The following ZNF438 variants were observed in gnomAD, a reference collection of about 807,000 sequenced individuals.
ZNF438 encodes zinc finger protein 438.
A neutral mutation model predicts 38.0 loss-of-function variants in ZNF438; 25 were observed. The ratio of observed to expected loss-of-function variants is 0.66; its 90% CI spans 0.48 to 0.92. The LOEUF is 0.92. Ranked by LOEUF, ZNF438 falls within the 40% of genes least tolerant of loss-of-function variation. ZNF438 has a pLI of 0.00. For synonymous variants in ZNF438, 372 were observed against 364.1 expected, an observed-to-expected ratio of 1.02 and a Z score of -0.25; for missense variants, 1,007 against 999.6, an observed-to-expected ratio of 1.01 and a Z score of -0.10.
chr10:30,853,921 G>A (rs1460309961), intron 4 of ZNF438, among the ~76,000 whole-genome samples: 1 of 152,120 alleles, frequency 6.6e-6, no homozygotes, highest in African/African-American at 2.4e-5. Context: ...CTTAAACCTG[G>A]GAGGTGGAGG....
rs764029812 is a variant in ZNF438, at chr10:30,848,705, A to G, written c.1700T>C (p.Met567Thr). 1.7e-5 allele frequency: 27 copies of G among 1,614,220 alleles called. No individual in the cohort carries two copies. In the South Asian group the frequency reaches 2.1e-4, roughly 12 times the overall value. ...CACTTTTGCACAAAACTCACAACAC[A>G]TGAGTTTCTTCAGACGGTTCTCACC... The change falls in exon 5 of 6, where the codon ATG (methionine) becomes ACG (threonine). Residue 567 changes from methionine (M) to threonine (T), a missense_variant. Physicochemically the swap from Met to Thr is moderately conservative, Grantham distance 81. Transcript: ENST00000413025.
At chr10:30,845,666 A>C in intron 5 of ZNF438, 93 bp from the exon 7 acceptor site, 2 of 1,446,442 alleles carry the variant, frequency 1.4e-6, no homozygotes, top group South Asian at 2.7e-5. Context: ...GATCTAAAAC[A>C]TAACACTGAC....
intron 3 of ZNF438, among the ~76,000 whole-genome samples, chr10:30,902,268 G>T (rs557428918): frequency 1.9e-4 from 29 of 152,230 alleles, no homozygotes; most frequent in African/African-American, 6.5e-4. Context: ...TTTTGACAGG[G>T]TGCTGATTGG....
chr10:30,889,962 G>T (rs1416255979), intron 3 of ZNF438, among the ~76,000 whole-genome samples: 2 of 151,242 alleles, frequency 1.3e-5, no homozygotes, highest in Non-Finnish European at 2.9e-5. Flanking sequence ...GATTAAACTG[G>T]ATACTACATG....
intron 4 of ZNF438, among the ~76,000 whole-genome samples, chr10:30,861,449 G>A (rs947386257): frequency 6.6e-6 from 1 of 151,926 alleles, no homozygotes; most frequent in Non-Finnish European, 1.5e-5. Context: ...TGCTGCAAGA[G>A]GAAACAAGCA....
intron 4 of ZNF438, among the ~76,000 whole-genome samples, chr10:30,873,443 T>C (rs1473726191): frequency 6.6e-6 from 1 of 152,228 alleles, no homozygotes; most frequent in Non-Finnish European, 1.5e-5. Context: ...CCATTAATAA[T>C]GCTGCCAGCT....
rs539626463 is a variant in ZNF438 at position 30,952,025 on chromosome 10, A to C, written c.-191-10374T>G. Among the ~76,000 whole-genome samples, 7 of 149,988 alleles carry C rather than the reference A, an allele frequency of 4.7e-5. No homozygotes were observed. The East Asian group carries it at 1.4e-3, about 29-fold the overall frequency. On this transcript the variant is annotated intron_variant, in intron 1 of 5. Coordinates refer to ENST00000413025, the Ensembl canonical transcript of ZNF438. ...ATACTACAAGGCTACAGTAACCAAA[A>C]CAGCATGGTACTGGTACCAAAACAG...
At chr10:30,871,464 C>T (rs1262988158) in intron 4 of ZNF438, among the ~76,000 whole-genome samples, 1 of 152,156 alleles carries the variant, frequency 6.6e-6, no homozygotes, top group Non-Finnish European at 1.5e-5. Flanking sequence ...TTAAATCCTA[C>T]TAAAGATAGA....
chr10:30,949,824 A>T (rs1381901784), intron 1 of ZNF438, among the ~76,000 whole-genome samples: 2 of 151,858 alleles, frequency 1.3e-5, no homozygotes, highest in Non-Finnish European at 2.9e-5. Context: ...CACTGTCAAC[A>T]TTAGACAGAT....
intron 2 of ZNF438, among the ~76,000 whole-genome samples, chr10:30,936,821 T>A (rs1167593044): frequency 2.6e-5 from 4 of 152,242 alleles, no homozygotes; most frequent in Admixed American, 2.6e-4. Flanking sequence ...TATTTTATGA[T>A]GTTGAGCTTT....
At chr10:31,015,147 C>A (rs967392888) in intron 1 of ZNF438, among the ~76,000 whole-genome samples, 1 of 152,152 alleles carries the variant, frequency 6.6e-6, no homozygotes, top group Non-Finnish European at 1.5e-5. Flanking sequence ...AGATTACAGG[C>A]GTGAGCTACC....
intron 1 of ZNF438, among the ~76,000 whole-genome samples, chr10:31,005,111 G>C (rs1452893174): frequency 2.0e-5 from 3 of 152,142 alleles, no homozygotes; most frequent in African/African-American, 7.2e-5. Context: ...CCAGTGGGTA[G>C]ATATCCAAAG....
At chr10:30,923,566 G>A (rs1207215008) in intron 2 of ZNF438, among the ~76,000 whole-genome samples, 1 of 152,148 alleles carries the variant, frequency 6.6e-6, no homozygotes, top group African/African-American at 2.4e-5. Flanking sequence ...ACTGAAAGCT[G>A]TTACGCGCAC....
intron 1 of ZNF438, 57 bp from the exon 3 acceptor site, chr10:30,941,708 AG>A (rs1349919219): frequency 1.3e-5 from 2 of 152,210 alleles, no homozygotes; most frequent in Non-Finnish European, 2.9e-5. Context: ...GGTACCTTAT[AG>A]GAGCCAATTA....
At chr10:30,959,159 A>G (rs1342588387) in intron 1 of ZNF438, among the ~76,000 whole-genome samples, 1 of 147,294 alleles carries the variant, frequency 6.8e-6, no homozygotes, top group Non-Finnish European at 1.5e-5. Flanking sequence ...CAGCACTCAG[A>G]TATTTGGTCA....
intron 3 of ZNF438, among the ~76,000 whole-genome samples, chr10:30,901,837 T>C (rs2042028573): frequency 6.6e-6 from 1 of 152,212 alleles, no homozygotes; most frequent in Non-Finnish European, 1.5e-5. Context: ...TTGTTCCTTC[T>C]GATGTTCAGA....
In ZNF438 at chr10:30,879,099, A is replaced by G. The variant is rs565288668; in HGVS notation, c.-31-2034T>C. Among the ~76,000 whole-genome samples the G allele has an allele frequency of 6.6e-5, 10 of 152,290 alleles. 1 individual carries two copies. The South Asian group carries it at 2.1e-3, about 32-fold the overall frequency. On this transcript the variant is annotated intron_variant, in intron 3 of 5. Coordinates refer to ENST00000413025, the Ensembl canonical transcript of ZNF438. ...AGAGAGGGTCCTCGCTGGGTTATTT[A>G]CCTTTGTAATGATCAGCACAGGCAA...
chr10:30,848,665 T>C, exon 5 of ZNF438: 1 of 1,614,212 alleles, frequency 6.2e-7, no homozygotes. Context: ...CAAAATAGAC[T>C]CGGATGTGGC....
chr10:30,913,652 T>TA (rs2043296595), intron 2 of ZNF438, among the ~76,000 whole-genome samples: 1 of 152,046 alleles, frequency 6.6e-6, no homozygotes, highest in Non-Finnish European at 1.5e-5. Context: ...TTAAGACACT[T>TA]AATCATTTAG....
Sources: allele counts gnomAD v4.1 joint callset (sites outside exome capture counted in the v4.1 genomes callset), GRCh38; gene constraint gnomAD v4.1.1; transcripts MANE v1.5; gene names NCBI Gene and HGNC (gene_info 2026-07-23, HGNC 2026-07-21).